SPTA1: variants seen among roughly 807,000 people sequenced by gnomAD.
The protein encoded by SPTA1 is spectrin alpha chain, erythrocytic 1.
Under a neutral mutation model 324.7 loss-of-function variants are expected in SPTA1, and 177 were observed. The ratio of observed to expected loss-of-function variants is 0.55; its 90% CI spans 0.48 to 0.62. The LOEUF is 0.62. Ranked by LOEUF, SPTA1 falls within the 20% of genes least tolerant of loss-of-function variation. SPTA1 has a pLI of 0.00. For synonymous variants in SPTA1, 1,195 were observed against 1,041.3 expected (o/e 1.15, Z -2.84); for missense variants, 3,162 against 2,883.6 (o/e 1.10, Z -2.21).
intron 44 of SPTA1, 93 bp downstream of exon 44, chr1:158,620,077 G>T: frequency 6.9e-7 from 1 of 1,458,404 alleles, no homozygotes; most frequent in Non-Finnish European, 9.6e-7. Context: ...GTTATTAATA[G>T]TGTTCCTTCT....
intron 11 of SPTA1, 29 bp downstream of exon 11, chr1:158,672,030 C>G: frequency 1.9e-6 from 3 of 1,613,224 alleles, no homozygotes; most frequent in Non-Finnish European, 2.5e-6. Context: ...GAAATTACTT[C>G]TAGAGATGGT....
At chr1:158,658,015 C>A (rs975994621) in intron 18 of SPTA1, among the ~76,000 whole-genome samples, 1 of 152,128 alleles carries the variant, frequency 6.6e-6, no homozygotes, top group Non-Finnish European at 1.5e-5. Flanking sequence ...GAAAAATCAG[C>A]TGATTTCCAT....
At position 158,681,378 on chromosome 1, in the gene SPTA1, A is replaced by C. The variant is rs1421587777; in HGVS notation, c.531+149T>G. 3.1e-5 allele frequency: 38 copies of C among 1,218,784 alleles called. No homozygotes were observed. The Admixed American group carries it at 6.2e-4, about 20-fold the overall frequency. The allele number at this position is 1,218,784 out of a possible 1,614,324, so 75.5% of individuals were successfully genotyped here. On this transcript the variant is annotated intron_variant, in intron 4 of 51. Coordinates refer to ENST00000643759, the MANE Select transcript of SPTA1 (RefSeq NM_003126.4). ...AATGTTGACCTCCAGATACCCCTAC[A>C]TTTTGGCCCCAATTTCCTCTTGTTC...
In SPTA1 at chr1:158,612,835, G is replaced by C. The variant is rs371499429; in HGVS notation, c.7116C>G (p.Thr2372=). The C allele has an allele frequency of 3.1e-6, 5 of 1,613,722 alleles. No homozygotes were observed. In the African/African-American group the frequency reaches 5.3e-5, roughly 17 times the overall value. ...ATCGGACCTGCTTCATGTCTTCTTT[G>C]GTAATATATGACTTGCCCTCTGCCA... ...QALAEGKSYI[T]KEDMKQALTP... Residue 2372 remains threonine (T), a synonymous_variant, in exon 51 of 52, where the codon ACC becomes ACG. Transcript: ENST00000643759.
chr1:158,683,270 G>A (rs1654934211), intron 3 of SPTA1, 101 bp downstream of exon 3: 3 of 1,557,326 alleles, frequency 1.9e-6, no homozygotes, highest in South Asian at 2.2e-5. Context: ...AGGAGTCCTG[G>A]GTATAAGCCA....
chr1:158,648,466 T>G (rs779956517), intron 26 of SPTA1, 43 bp downstream of exon 26: 1 of 1,613,270 alleles, frequency 6.2e-7, no homozygotes, highest in Non-Finnish European at 8.5e-7. Flanking sequence ...CGGCTAAATA[T>G]AGACTGGAAA....
At chr1:158,686,344 C>T (rs1655173080) in intron 1 of SPTA1, 150 bp downstream of exon 1, 3 of 646,542 alleles carry the variant, frequency 4.6e-6, no homozygotes, top group Admixed American at 2.5e-5. Flanking sequence ...GGTTATTGTT[C>T]ACAAAAAATA....
At chr1:158,633,918 T>C (rs955664459) in intron 39 of SPTA1, among the ~76,000 whole-genome samples, 1 of 152,204 alleles carries the variant, frequency 6.6e-6, no homozygotes, top group Non-Finnish European at 1.5e-5. Context: ...CAAAGAGTTC[T>C]TGGTAAATTC....
In SPTA1 at chr1:158,628,456, T is replaced by A. The variant is rs1650436984; in HGVS notation, c.5566-733A>T. On this transcript the variant is annotated intron_variant, in intron 39 of 51. Transcript: ENST00000643759. Reference sequence around the variant, plus strand: ...AAGAGAATTTCTATGACTATTATACTTTTTCAAAATCCCTATTGAAAATAA... The same window carrying A: ...AAGAGAATTTCTATGACTATTATACATTTTCAAAATCCCTATTGAAAATAA... Among the ~76,000 whole-genome samples the A allele has an allele frequency of 2.6e-5, 4 of 152,300 alleles. No individual in the cohort carries two copies. The South Asian group carries it at 8.3e-4, about 32-fold the overall frequency.
At chr1:158,654,129 A>G (rs1304430253) in intron 21 of SPTA1, among the ~76,000 whole-genome samples, 2 of 152,184 alleles carry the variant, frequency 1.3e-5, no homozygotes, top group African/African-American at 4.8e-5. Flanking sequence ...TTTATGAAAA[A>G]TATATTTAAA....
chr1:158,669,840 G>A (rs973022068), intron 12 of SPTA1, 54 bp from the exon 13 acceptor site: 4 of 1,564,800 alleles, frequency 2.6e-6, no homozygotes, highest in Non-Finnish European at 3.5e-6. Flanking sequence ...CACTGAGTAA[G>A]TGGCCATAGT....
intron 49 of SPTA1, 103 bp from the exon 50 acceptor site, chr1:158,613,970 C>T: frequency 2.2e-6 from 3 of 1,338,174 alleles, no homozygotes; most frequent in Non-Finnish European, 3.1e-6. Context: ...GCTTTATTGA[C>T]CTGTCACAAA....
At position 158,671,347 on chromosome 1, in the gene SPTA1, A is replaced by G. The variant is rs759733739; in HGVS notation, c.1595T>C (p.Ile532Thr). ...EEAFTAQEEK[I>T]ITVDKTATKL... ...AAACTAGGGCCAATTTCTTACTATG[A>G]TCTTCTCTTCCTGGGCAGTAAAGGC... Residue 532 changes from isoleucine to threonine, a missense_variant, in exon 12 of 52, where the codon ATC becomes ACC. Transcript: ENST00000643759. 20 of 1,613,132 alleles carry G rather than the reference A, an allele frequency of 1.2e-5. 1 individual carries two copies. In the South Asian group the frequency reaches 1.9e-4, roughly 15 times the overall value.
chr1:158,612,547 A>C (rs1649322332), intron 51 of SPTA1: 1 of 427,372 alleles, frequency 2.3e-6, no homozygotes, highest in Admixed American at 3.9e-5. Context: ...ATGCTCTTTG[A>C]ATTAATGAGG....
intron 27 of SPTA1, among the ~76,000 whole-genome samples, chr1:158,646,503 C>T (rs1431244497): frequency 1.3e-5 from 2 of 151,866 alleles, no homozygotes; most frequent in African/African-American, 2.4e-5. Context: ...AAAAAACAAA[C>T]AAAAAACAGA....
intron 46 of SPTA1, 52 bp downstream of exon 46, chr1:158,617,987 T>G (rs1649680154): frequency 6.5e-7 from 1 of 1,535,980 alleles, no homozygotes; most frequent in African/African-American, 1.4e-5. Flanking sequence ...CTTAACGAAT[T>G]CTTCCATAAT....
chr1:158,672,796 C>T (rs555394254), intron 10 of SPTA1, among the ~76,000 whole-genome samples: 91 of 152,094 alleles, frequency 6.0e-4, no homozygotes, highest in South Asian at 1.2e-3. Context: ...GTATTATCTC[C>T]GTCAAAAAAG....
At chr1:158,651,776 T>TAACA (rs1652455762) in intron 23 of SPTA1, among the ~76,000 whole-genome samples, 2 of 152,186 alleles carry the variant, frequency 1.3e-5, no homozygotes, top group Non-Finnish European at 2.9e-5. Context: ...CTGAGCTGTG[T>TAACA]AACATCCTTT....
chr1:158,645,153 C>T (rs1245947380), intron 29 of SPTA1, 35 bp downstream of exon 29: 3 of 1,611,436 alleles, frequency 1.9e-6, no homozygotes, highest in South Asian at 2.2e-5. Flanking sequence ...AAACAGACTA[C>T]TGAACCTGCT....
Sources: gnomAD v4.1 joint callset for allele counts (sites outside exome capture counted in the v4.1 genomes callset) on GRCh38, gnomAD v4.1.1 for gene constraint, MANE v1.5 for transcripts, NCBI Gene and HGNC (gene_info 2026-07-23, HGNC 2026-07-21) for gene names.